The following CYB5A variants were observed in gnomAD, a reference collection of about 807,000 sequenced individuals.
The protein encoded by CYB5A is cytochrome b5.
CYB5A carries 10 observed loss-of-function variants against 16.2 expected under a neutral mutation model. That is an observed-to-expected ratio of 0.62 (90% CI 0.38 to 1.04). The LOEUF (loss-of-function observed/expected upper bound fraction) is 1.04, where lower values mean the gene tolerates loss of function less well. Ranked by LOEUF, CYB5A falls within the 50% of genes least tolerant of loss-of-function variation. CYB5A has a pLI of 0.01. For synonymous variants in CYB5A, 62 were observed against 57.0 expected, an observed-to-expected ratio of 1.09 and a Z score of -0.40; for missense variants, 161 against 165.9, an observed-to-expected ratio of 0.97 and a Z score of 0.16.
intron 4 of CYB5A, among the ~76,000 whole-genome samples, chr18:74,254,219 C>T (rs1210895165): frequency 6.6e-6 from 1 of 151,978 alleles, no homozygotes; most frequent in Non-Finnish European, 1.5e-5. Flanking sequence ...AAAATGAATG[C>T]CCCACCAGCT....
At chr18:74,267,000 C>G (rs546056456) in intron 1 of CYB5A, among the ~76,000 whole-genome samples, 4 of 152,008 alleles carry the variant, frequency 2.6e-5, no homozygotes, top group African/African-American at 9.7e-5. Flanking sequence ...ATGAGGGTGG[C>G]TTTTTGTAAT....
In CYB5A at chr18:74,276,797, G is replaced by A. The variant is rs115136797; in HGVS notation, c.130-13320C>T. Among the ~76,000 whole-genome samples the A allele has an allele frequency of 5.9e-5, 9 of 152,276 alleles. No homozygotes were observed. The East Asian group carries it at 7.7e-4, about 13-fold the overall frequency. On this transcript the variant is annotated intron_variant, in intron 1 of 4. Transcript: ENST00000340533. ...TAAGAGGAGAGCCACTTTAACAGGCGTCTAAGTCGAGATGATTCCCGTGTC... is the reference window on the plus strand; with the variant it reads ...TAAGAGGAGAGCCACTTTAACAGGCATCTAAGTCGAGATGATTCCCGTGTC...
At chr18:74,276,534 A>G (rs1982883520) in intron 1 of CYB5A, among the ~76,000 whole-genome samples, 1 of 140,944 alleles carries the variant, frequency 7.1e-6, no homozygotes, top group Admixed American at 6.9e-5. Context: ...TTCAGCACAC[A>G]CACACACACA....
intron 1 of CYB5A, among the ~76,000 whole-genome samples, chr18:74,264,464 T>C (rs1017886490): frequency 1.5e-5 from 2 of 136,806 alleles, no homozygotes; most frequent in Admixed American, 7.9e-5. Flanking sequence ...AGAGCTGGCA[T>C]GCCTAAGATG....
intron 1 of CYB5A, among the ~76,000 whole-genome samples, chr18:74,280,172 ATT>A (rs1983038443): frequency 6.6e-6 from 1 of 152,160 alleles, no homozygotes; most frequent in South Asian, 2.1e-4. Context: ...ACCATATGTT[ATT>A]TGGGGGGAAT....
In CYB5A at chr18:74,252,703, GCTA is replaced by G. The variant is rs1253831869; in HGVS notation, c.*878_*880del. The G allele has an allele frequency of 6.0e-5, 9 of 151,182 alleles. No homozygotes were observed. The highest frequency in any genetic ancestry group is 2.2e-4 in the African/African-American group (9 of 40,722). The allele number at this position is 151,182 out of a possible 1,614,324, so 9.4% of individuals were successfully genotyped here. On this transcript the variant is annotated 3_prime_UTR_variant, in exon 5 of 5. Coordinates refer to ENST00000340533, the MANE Select transcript of CYB5A (RefSeq NM_148923.4). ...GAAGTCTCTCTTATAGGCCCTGTAG[GCTA>G]CTTTCTTTTTTTTTTGAGACAGAGT...
chr18:74,265,753 C>T (rs1982409068), intron 1 of CYB5A, among the ~76,000 whole-genome samples: 2 of 152,214 alleles, frequency 1.3e-5, no homozygotes, highest in Admixed American at 6.5e-5. Flanking sequence ...GGGGAGCCCA[C>T]ACATCTCATG....
chr18:74,253,572 C>G lies in CYB5A; in HGVS notation c.*12G>C. Reference sequence around the variant, plus strand: ...AAGCAGGCTCTTCCTGCGCTGACTTCTGAGGAGGTGTTCAGTCCTCTGCCA... The same window carrying G: ...AAGCAGGCTCTTCCTGCGCTGACTTGTGAGGAGGTGTTCAGTCCTCTGCCA... On this transcript the variant is annotated 3_prime_UTR_variant, in exon 5 of 5. Transcript: ENST00000340533. The G allele has an allele frequency of 6.3e-7, 1 of 1,599,182 alleles. No individual in the cohort carries two copies. The highest frequency in any genetic ancestry group is 8.6e-7 in the Non-Finnish European group (1 of 1,166,984).
At chr18:74,282,661 G>C (rs1167011424) in intron 1 of CYB5A, among the ~76,000 whole-genome samples, 1 of 152,220 alleles carries the variant, frequency 6.6e-6, no homozygotes, top group African/African-American at 2.4e-5. Flanking sequence ...GCCTGACACA[G>C]GGGAAACCAG....
At chr18:74,279,430 G>T (rs985422776) in intron 1 of CYB5A, among the ~76,000 whole-genome samples, 2 of 152,268 alleles carry the variant, frequency 1.3e-5, no homozygotes, top group Admixed American at 1.3e-4. Flanking sequence ...TCAGGAAGCT[G>T]AGGCAGGGAG....
chr18:74,260,532 C>T, intron 3 of CYB5A: 1 of 338,720 alleles, frequency 3.0e-6, no homozygotes, highest in Non-Finnish European at 5.7e-6. Context: ...AGACATGAGA[C>T]ACACCCTTAA....
rs1272256788 is a variant in CYB5A at position 74,263,350 on chromosome 18, G to A, written c.257C>T (p.Pro86Leu). The change falls in exon 2 of 5, where the codon CCA (proline) becomes CTA (leucine). Residue 86 changes from proline (P) to leucine (L), a missense_variant and splice_region_variant. Transcript: ENST00000340533. ...SKTFIIGELHPDDRPKLNKPP... is the reference protein window; with the variant it reads ...SKTFIIGELHLDDRPKLNKPP... The stretch of plus-strand genomic sequence containing the variant: ...AAAGGGCCCCCAAAATGTACTTACT[G>A]GATGGAGCTCCCCAATGATGAATGT... The A allele has an allele frequency of 6.2e-7, 1 of 1,613,978 alleles. No individual in the cohort carries two copies. Among genetic ancestry groups the A allele is most frequent in the East Asian group, 2.2e-5 (1 of 44,882 alleles).
intron 1 of CYB5A, among the ~76,000 whole-genome samples, chr18:74,268,017 C>T (rs1982513916): frequency 6.6e-6 from 1 of 152,326 alleles, no homozygotes; most frequent in Admixed American, 6.5e-5. Context: ...TTCCGTCTTT[C>T]CAGAGGAAGA....
At chr18:74,255,854 A>C (rs1981957466) in intron 3 of CYB5A, 79 bp from the exon 4 acceptor site, 7 of 1,125,988 alleles carry the variant, frequency 6.2e-6, no homozygotes, top group Non-Finnish European at 9.5e-6. Flanking sequence ...CTGTTTGAAA[A>C]TAAGAACACA....
chr18:74,262,780 A>G (rs1485895360), intron 2 of CYB5A, among the ~76,000 whole-genome samples: 1 of 152,122 alleles, frequency 6.6e-6, no homozygotes, highest in African/African-American at 2.4e-5. Context: ...TGCCCCATGG[A>G]ATTTCTAGGA....
intron 1 of CYB5A, 95 bp downstream of exon 1, chr18:74,291,652 A>G (rs1242767324): frequency 5.1e-6 from 8 of 1,574,752 alleles, no homozygotes; most frequent in Non-Finnish European, 6.1e-6. Flanking sequence ...AGGCGTAGGT[A>G]TGCGGACTCC....
intron 4 of CYB5A, among the ~76,000 whole-genome samples, chr18:74,254,612 TGG>T (rs1981899246): frequency 6.6e-6 from 1 of 151,602 alleles, no homozygotes; most frequent in Non-Finnish European, 1.5e-5. Context: ...CTCCGCCTCC[TGG>T]GTTCACACCA....
chr18:74,284,682 G>T (rs764518352), intron 1 of CYB5A, among the ~76,000 whole-genome samples: 2 of 152,186 alleles, frequency 1.3e-5, no homozygotes, highest in African/African-American at 2.4e-5. Context: ...CAGCCAGGCA[G>T]AGAGGACCCT....
intron 1 of CYB5A, among the ~76,000 whole-genome samples, chr18:74,269,371 C>T (rs1450748407): frequency 3.3e-5 from 5 of 152,174 alleles, no homozygotes; most frequent in South Asian, 2.1e-4. Context: ...AACACAGGAG[C>T]ACCCTGGGGC....
Sources: allele counts gnomAD v4.1 joint callset (sites outside exome capture counted in the v4.1 genomes callset), GRCh38; gene constraint gnomAD v4.1.1; transcripts MANE v1.5; gene names NCBI Gene and HGNC (gene_info 2026-07-23, HGNC 2026-07-21).